DGKG: variants seen among roughly 807,000 people sequenced by gnomAD.
DGKG encodes DAG kinase gamma.
DGKG carries 78 observed loss-of-function variants against 105.3 expected under a neutral mutation model. The observed-to-expected ratio is 0.74, with a 90% CI of 0.62 to 0.89. DGKG has a LOEUF of 0.89. Among genes scored for constraint, DGKG ranks in the 40% least tolerant of loss-of-function variants. The pLI is 0.00. For synonymous variants in DGKG, 346 were observed against 367.1 expected (o/e 0.94, Z 0.66); for missense variants, 958 against 1,020.1 (o/e 0.94, Z 0.83).
intron 1 of DGKG, among the ~76,000 whole-genome samples, chr3:186,323,780 C>CA (rs1023982811): frequency 5.9e-5 from 9 of 151,922 alleles, no homozygotes; most frequent in South Asian, 2.1e-4. Flanking sequence ...ACTAAAAACA[C>CA]AAAAAAATTA....
rs931513724 is a variant in DGKG at position 186,272,317 on chromosome 3, A to G, written c.937T>C (p.Cys313Arg). Residue 313 changes from cysteine (C) to arginine (R), a missense_variant, in exon 11 of 25, where the codon TGT becomes CGT. By Grantham distance (180) the Cys-to-Arg change is radical (BLOSUM62 -3). This residue lies in a region of DGKG where 643 missense variants were observed against 619.5 expected (regional missense o/e 1.04). Coordinates refer to ENST00000265022, the MANE Select transcript of DGKG (RefSeq NM_001346.3). ...TYCKYTVHER[C>R]VSRNIPGCVK... Reference sequence around the variant, plus strand: ...CAACCAGGAATGTTTCTGGACACACAGCGTTCGTGGACAGTGTATTTACAG... The same window carrying G: ...CAACCAGGAATGTTTCTGGACACACGGCGTTCGTGGACAGTGTATTTACAG... 9.3e-6 allele frequency: 15 copies of G among 1,613,690 alleles called. No individual in the cohort carries two copies. Among genetic ancestry groups the G allele is most frequent in the Non-Finnish European group, 1.1e-5 (13 of 1,179,716 alleles).
chr3:186,282,587 A>T (rs1722877126), intron 7 of DGKG, among the ~76,000 whole-genome samples: 1 of 151,854 alleles, frequency 6.6e-6, no homozygotes, highest in South Asian at 2.1e-4. Flanking sequence ...ATCTCGGCTC[A>T]TGGCAACCTC....
chr3:186,164,668 G>C (rs1345375325), intron 23 of DGKG, among the ~76,000 whole-genome samples: 1 of 152,206 alleles, frequency 6.6e-6, no homozygotes, highest in Non-Finnish European at 1.5e-5. Context: ...CACCAGCTCA[G>C]TTTAACAGAA....
chr3:186,301,633 A>G (rs1201815812), intron 3 of DGKG, among the ~76,000 whole-genome samples: 1 of 152,250 alleles, frequency 6.6e-6, no homozygotes, highest in Admixed American at 6.5e-5. Flanking sequence ...TCTCAAAGAA[A>G]AAAACTTTCC....
intron 1 of DGKG, among the ~76,000 whole-genome samples, chr3:186,330,935 G>C (rs574166595): frequency 6.6e-6 from 1 of 152,184 alleles, no homozygotes; most frequent in South Asian, 2.1e-4. Flanking sequence ...AGATAACCAA[G>C]ACAACTACAC....
Position 186,261,744 on chromosome 3 carries a change from A to G in DGKG, c.1304T>C (p.Leu435Pro). 1 of 1,438,928 alleles carries G rather than the reference A, an allele frequency of 6.9e-7. No homozygotes were observed. Among genetic ancestry groups the G allele is most frequent in the Non-Finnish European group, 9.6e-7 (1 of 1,046,698 alleles). The allele number at this position is 1,438,928 out of a possible 1,614,324, so 89.1% of individuals were successfully genotyped here. The change falls in exon 15 of 25, where the codon CTG becomes CCG. Residue 435 changes from leucine to proline, a missense_variant. Coordinates refer to ENST00000265022, the MANE Select transcript of DGKG (RefSeq NM_001346.3). ...KIIPTPGTHP[L>P]LVLVNPKSGG... ...ACTCTTGGGGTTCACCAAGACCAGC[A>G]GGGGGTGGGTACCCGGGGTGGGGAT... is the stretch of plus-strand genomic sequence containing the variant.
At chr3:186,253,275 C>A in intron 17 of DGKG, 93 bp from the exon 18 acceptor site, 1 of 970,546 alleles carries the variant, frequency 1.0e-6, no homozygotes, top group Non-Finnish European at 1.7e-6. Flanking sequence ...GCTTGAACCC[C>A]TCCATAGCAT....
intron 24 of DGKG, chr3:186,160,749 T>A (rs1716253397): frequency 1.0e-6 from 1 of 985,440 alleles, no homozygotes; most frequent in Non-Finnish European, 1.2e-6. Context: ...ACGCATGTAG[T>A]ATCCCAGCAG....
At chr3:186,181,098 G>C (rs560868656) in intron 22 of DGKG, among the ~76,000 whole-genome samples, 1 of 152,298 alleles carries the variant, frequency 6.6e-6, no homozygotes, top group African/African-American at 2.4e-5. Context: ...GCCTTGCCTG[G>C]GCTCTGGGTA....
At chr3:186,355,496 TCAC>T (rs1003342589) in intron 1 of DGKG, among the ~76,000 whole-genome samples, 2 of 140,538 alleles carry the variant, frequency 1.4e-5, no homozygotes, top group Non-Finnish European at 3.1e-5. Context: ...ATCACCACTA[TCAC>T]CACCACCACC....
At chr3:186,345,341 A>G (rs544096317) in intron 1 of DGKG, among the ~76,000 whole-genome samples, 36 of 152,184 alleles carry the variant, frequency 2.4e-4, no homozygotes, top group Non-Finnish European at 5.0e-4. Flanking sequence ...CAATATGAAG[A>G]CTTTTATTAA....
intron 22 of DGKG, among the ~76,000 whole-genome samples, chr3:186,172,596 G>C (rs566617001): frequency 6.6e-6 from 1 of 152,376 alleles, no homozygotes; most frequent in African/African-American, 2.4e-5. Context: ...TGTCAGTTCA[G>C]TGGGTAATGC....
chr3:186,165,780 G>GT (rs1245935953), intron 22 of DGKG, among the ~76,000 whole-genome samples: 1 of 152,204 alleles, frequency 6.6e-6, no homozygotes, highest in African/African-American at 2.4e-5. Context: ...TGCTTCCCCA[G>GT]TTTCTTGTGA....
intron 20 of DGKG, among the ~76,000 whole-genome samples, chr3:186,239,899 C>CTT (rs796306145): frequency 1.8e-4 from 24 of 136,428 alleles, no homozygotes; most frequent in Admixed American, 2.2e-4. Flanking sequence ...ACGCTACAAT[C>CTT]TTTTTTTTTT....
intron 24 of DGKG, among the ~76,000 whole-genome samples, chr3:186,150,981 T>C (rs919136768): frequency 1.3e-5 from 2 of 152,230 alleles, no homozygotes; most frequent in Non-Finnish European, 2.9e-5. Context: ...TTATTAAGTA[T>C]GATAATGCTC....
chr3:186,348,607 A>T (rs1413021986), intron 1 of DGKG, among the ~76,000 whole-genome samples: 2 of 151,760 alleles, frequency 1.3e-5, no homozygotes, highest in Non-Finnish European at 2.9e-5. Context: ...GAACATCACC[A>T]TTCCTGGCTA....
intron 3 of DGKG, among the ~76,000 whole-genome samples, chr3:186,304,154 T>C (rs761103506): frequency 6.6e-6 from 1 of 152,214 alleles, no homozygotes; most frequent in African/African-American, 2.4e-5. Context: ...GCAGTGGCCC[T>C]GACCAAACTG....
intron 1 of DGKG, among the ~76,000 whole-genome samples, chr3:186,328,886 A>G (rs988206877): frequency 2.6e-5 from 4 of 152,050 alleles, no homozygotes; most frequent in Non-Finnish European, 5.9e-5. Context: ...GCCTTACACC[A>G]TTCTTTATTT....
chr3:186,166,564 C>T (rs1047525224), intron 22 of DGKG, among the ~76,000 whole-genome samples: 3 of 151,978 alleles, frequency 2.0e-5, no homozygotes. Context: ...GGTTGAATAA[C>T]GTTGGATGGT....
Sources: gnomAD v4.1 joint callset for allele counts (sites outside exome capture counted in the v4.1 genomes callset) on GRCh38, gnomAD v4.1.1 for gene constraint, gnomAD v4.1.1 regional missense constraint, MANE v1.5 for transcripts, NCBI Gene and HGNC (gene_info 2026-07-23, HGNC 2026-07-21) for gene names.